The following COMMD10 variants were observed in gnomAD, a reference collection of about 807,000 sequenced individuals.
COMMD10 encodes the protein COMM domain containing 10.
A neutral mutation model predicts 28.9 loss-of-function variants in COMMD10; 33 were observed. The observed-to-expected ratio is 1.14, with a 90% CI of 0.87 to 1.53. The LOEUF (loss-of-function observed/expected upper bound fraction) is 1.53, where lower values mean the gene tolerates loss of function less well. COMMD10 is among the 40% of genes most tolerant of loss of function. COMMD10 has a pLI of 0.00. For missense variants in COMMD10, 310 were observed against 233.4 expected (o/e 1.33, Z -2.14); for synonymous variants, 110 against 81.7 (o/e 1.35, Z -1.87).
chr5:116,216,300 C>G (rs775204273), intron 5 of COMMD10, among the ~76,000 whole-genome samples: 1 of 152,086 alleles, frequency 6.6e-6, no homozygotes, highest in East Asian at 1.9e-4. Flanking sequence ...TGTATGTTAA[C>G]AAAAGGTAGA....
intron 5 of COMMD10, among the ~76,000 whole-genome samples, chr5:116,199,764 T>G (rs1181179305): frequency 6.6e-6 from 1 of 152,128 alleles, no homozygotes; most frequent in Non-Finnish European, 1.5e-5. Flanking sequence ...TTATTTCTCC[T>G]TCAGTTTTAA....
At chr5:116,085,166 T>C in intron 1 of COMMD10, 73 bp downstream of exon 1, 1 of 1,208,402 alleles carries the variant, frequency 8.3e-7, no homozygotes, top group South Asian at 1.3e-5. Context: ...AAGGCTGTCC[T>C]TGCTGCCTGC....
At chr5:116,203,146 C>G (rs959363134) in intron 5 of COMMD10, among the ~76,000 whole-genome samples, 1 of 151,902 alleles carries the variant, frequency 6.6e-6, no homozygotes, top group Admixed American at 6.6e-5. Context: ...AATAGGGAAT[C>G]CTTTCCCTAT....
At chr5:116,283,320 C>G (rs1350355584) in intron 5 of COMMD10, among the ~76,000 whole-genome samples, 1 of 151,490 alleles carries the variant, frequency 6.6e-6, no homozygotes, top group Non-Finnish European at 1.5e-5. Context: ...ATATCAATAT[C>G]TTGGCCTATC....
intron 5 of COMMD10, among the ~76,000 whole-genome samples, chr5:116,207,628 C>T (rs990583187): frequency 2.0e-5 from 3 of 152,046 alleles, no homozygotes; most frequent in African/African-American, 4.8e-5. Flanking sequence ...TGGGTTCAAG[C>T]GATTCTTATG....
chr5:116,203,581 A>G (rs1017279038), intron 5 of COMMD10, among the ~76,000 whole-genome samples: 4 of 152,192 alleles, frequency 2.6e-5, no homozygotes, highest in Non-Finnish European at 4.4e-5. Context: ...GTGGGGGCCA[A>G]TATTCAACAT....
intron 4 of COMMD10, among the ~76,000 whole-genome samples, chr5:116,102,667 A>T (rs56306460): frequency 0.22 from 33,724 of 151,974 alleles, 4,647 homozygotes; most frequent in African/African-American, 0.38. Context: ...TTTTAATAAT[A>T]ATTCTTTTTA....
intron 5 of COMMD10, among the ~76,000 whole-genome samples, chr5:116,284,697 A>T (rs898120156): frequency 6.6e-6 from 1 of 151,934 alleles, no homozygotes; most frequent in African/African-American, 2.4e-5. Context: ...CTGTTGTTAG[A>T]GTTGCTACTG....
intron 5 of COMMD10, among the ~76,000 whole-genome samples, chr5:116,227,652 C>T (rs1749427046): frequency 6.6e-6 from 1 of 152,006 alleles, no homozygotes; most frequent in Non-Finnish European, 1.5e-5. Flanking sequence ...TTATTATCTT[C>T]ATTTTCCAAG....
At chr5:116,226,387 G>GGT (rs1749393874) in intron 5 of COMMD10, among the ~76,000 whole-genome samples, 1 of 145,508 alleles carries the variant, frequency 6.9e-6, no homozygotes, top group Admixed American at 7.0e-5. Flanking sequence ...TTCCAAATTT[G>GGT]TAAGTTCATG....
At chr5:116,274,821 T>G (rs1482750939) in intron 5 of COMMD10, among the ~76,000 whole-genome samples, 1 of 151,772 alleles carries the variant, frequency 6.6e-6, no homozygotes. Context: ...TTATTGATCT[T>G]CTTGACACAT....
chr5:116,238,948 A>T (rs1486916203), intron 5 of COMMD10, among the ~76,000 whole-genome samples: 1 of 152,140 alleles, frequency 6.6e-6, no homozygotes, highest in Non-Finnish European at 1.5e-5. Flanking sequence ...TTAGAGTTCC[A>T]AAAATTTGTT....
chr5:116,209,869 A>G (rs1447971143), intron 5 of COMMD10, among the ~76,000 whole-genome samples: 1 of 152,146 alleles, frequency 6.6e-6, no homozygotes, highest in African/African-American at 2.4e-5. Flanking sequence ...AACATTTTAT[A>G]TAGTTACTCT....
chr5:116,104,087 C>G (rs1056526659), intron 4 of COMMD10, among the ~76,000 whole-genome samples: 2 of 152,162 alleles, frequency 1.3e-5, no homozygotes, highest in African/African-American at 4.8e-5. Flanking sequence ...AGCATGATGC[C>G]TCCAGCTTTG....
At chr5:116,214,946 T>C (rs1749059227) in intron 5 of COMMD10, among the ~76,000 whole-genome samples, 1 of 152,082 alleles carries the variant, frequency 6.6e-6, no homozygotes, top group Non-Finnish European at 1.5e-5. Context: ...TAGTCACAAA[T>C]TATGGGGCTG....
chr5:116,257,753 G>A lies in COMMD10; in HGVS notation c.511-33764G>A, dbSNP rs183593227. Among the ~76,000 whole-genome samples the A allele has an allele frequency of 1.5e-3, 230 of 151,796 alleles. 9 individuals are homozygous for A. The highest frequency in any genetic ancestry group is 5.3e-3 in the African/African-American group (220 of 41,282). On this transcript the variant is annotated intron_variant, in intron 5 of 6. Transcript: ENST00000274458. Reference sequence around the variant, plus strand: ...TCAAATAAAAGGAATATTATGGTGGGTTCAGATGAATTTTAATTGAAACAT... The same window carrying A: ...TCAAATAAAAGGAATATTATGGTGGATTCAGATGAATTTTAATTGAAACAT...
intron 4 of COMMD10, 40 bp downstream of exon 4, chr5:116,092,740 T>TA (rs1438054886): frequency 5.7e-6 from 8 of 1,411,222 alleles, no homozygotes; most frequent in Non-Finnish European, 6.7e-6. Flanking sequence ...TTCAATAACA[T>TA]ATGGCATAAA....
chr5:116,143,888 G>A (rs752985380), intron 5 of COMMD10, among the ~76,000 whole-genome samples: 1 of 151,798 alleles, frequency 6.6e-6, no homozygotes, highest in Non-Finnish European at 1.5e-5. Context: ...GGGCTAGCAG[G>A]AAATACATAT....
At chr5:116,194,132 C>T (rs541679847) in intron 5 of COMMD10, among the ~76,000 whole-genome samples, 3 of 152,014 alleles carry the variant, frequency 2.0e-5, no homozygotes, top group Non-Finnish European at 4.4e-5. Flanking sequence ...ACAATAATGA[C>T]ACAACCTACC....
Sources: gnomAD v4.1 joint callset for allele counts (sites outside exome capture counted in the v4.1 genomes callset) on GRCh38, gnomAD v4.1.1 for gene constraint, MANE v1.5 for transcripts, NCBI Gene and HGNC (gene_info 2026-07-23, HGNC 2026-07-21) for gene names.